The following CTIF variants were observed in gnomAD, a reference collection of about 807,000 sequenced individuals.
CTIF encodes CBP80/20-dependent translation initiation factor.
In CTIF, 21 loss-of-function variants were observed where a neutral mutation model predicts 66.0. The observed-to-expected ratio is 0.32, with a 90% CI of 0.23 to 0.46. CTIF has a LOEUF of 0.46. CTIF is among the 20% of genes least tolerant of loss of function. The pLI is 1.00. For missense variants in CTIF, 739 were observed against 812.7 expected (o/e 0.91, Z 1.10); for synonymous variants, 345 against 326.4 (o/e 1.06, Z -0.62).
intron 1 of CTIF, among the ~76,000 whole-genome samples, chr18:48,596,430 G>T (rs2089987544): frequency 1.3e-5 from 2 of 151,938 alleles, no homozygotes; most frequent in Admixed American, 6.6e-5. Context: ...AGAGCAAAAG[G>T]CATGTGCCAA....
At position 48,798,722 on chromosome 18, in the gene CTIF, C is replaced by T. The variant is rs906436481; in HGVS notation, c.1372-18499C>T. ...ATCTTGCTGTGTCCTGAGAAGTTGT[C>T]CCATGGGTGGGAGCATTGGGCACCA... On this transcript the variant is annotated intron_variant, in intron 9 of 11. Coordinates refer to ENST00000256413, the MANE Select transcript of CTIF (RefSeq NM_014772.3). Among the ~76,000 whole-genome samples, 3 of 152,172 alleles carry T rather than the reference C, an allele frequency of 2.0e-5. No homozygotes were observed. The East Asian group carries it at 5.8e-4, about 29-fold the overall frequency.
At chr18:48,645,833 C>T (rs377404947) in intron 3 of CTIF, among the ~76,000 whole-genome samples, 2 of 152,184 alleles carry the variant, frequency 1.3e-5, no homozygotes, top group Non-Finnish European at 1.5e-5. Context: ...CCTGCGGCGT[C>T]GGAGGAGGTT....
rs114254050 is a variant in CTIF at position 48,735,929 on chromosome 18, T to C, written c.585-21990T>C. On this transcript the variant is annotated intron_variant, in intron 7 of 11. Transcript: ENST00000256413. Reference sequence around the variant, plus strand: ...GGGAGGGCTGGGCTGGTTGTGATCCTGTATGTCATGGGAAGCGGAGGAGTT... The same window carrying C: ...GGGAGGGCTGGGCTGGTTGTGATCCCGTATGTCATGGGAAGCGGAGGAGTT... Among the ~76,000 whole-genome samples, 548 of 152,244 alleles carry C rather than the reference T, an allele frequency of 3.6e-3. 4 individuals carry two copies. The highest frequency in any genetic ancestry group is 0.012 in the African/African-American group (510 of 41,544).
At chr18:48,837,870 G>A (rs2068848127) in intron 10 of CTIF, among the ~76,000 whole-genome samples, 1 of 152,148 alleles carries the variant, frequency 6.6e-6, no homozygotes, top group South Asian at 2.1e-4. Flanking sequence ...GCAGCCCTGG[G>A]CAACTGGGTG....
chr18:48,594,563 T>C (rs928631063), intron 1 of CTIF, among the ~76,000 whole-genome samples: 3 of 152,070 alleles, frequency 2.0e-5, no homozygotes, highest in African/African-American at 7.2e-5. Context: ...TCACACATTC[T>C]CCAGCCACCA....
chr18:48,664,580 G>T (rs779974408), intron 5 of CTIF, 29 bp downstream of exon 5: 9 of 1,594,398 alleles, frequency 5.6e-6, no homozygotes, highest in South Asian at 3.3e-5. Flanking sequence ...CTTACCCAGG[G>T]TGGGGTGGGG....
At chr18:48,762,968 C>T (rs1443619940) in intron 9 of CTIF, among the ~76,000 whole-genome samples, 1 of 152,234 alleles carries the variant, frequency 6.6e-6, no homozygotes, top group Non-Finnish European at 1.5e-5. Context: ...CTCTCCTGCT[C>T]CAGGCCCTGA....
chr18:48,587,227 G>A (rs1599192125), intron 1 of CTIF, among the ~76,000 whole-genome samples: 1 of 152,038 alleles, frequency 6.6e-6, no homozygotes, highest in East Asian at 1.9e-4. Flanking sequence ...AACTACAGGT[G>A]CGCACCACCA....
At chr18:48,825,598 A>G (rs922293067) in intron 10 of CTIF, among the ~76,000 whole-genome samples, 3 of 152,166 alleles carry the variant, frequency 2.0e-5, no homozygotes, top group Non-Finnish European at 4.4e-5. Flanking sequence ...CAAGCAACAC[A>G]TTCTTCAGAG....
At chr18:48,679,482 C>T (rs1051073877) in intron 6 of CTIF, among the ~76,000 whole-genome samples, 3 of 152,148 alleles carry the variant, frequency 2.0e-5, no homozygotes, top group African/African-American at 2.4e-5. Flanking sequence ...GGTTTCTTGG[C>T]GGGTGGGAGA....
At chr18:48,764,076 C>G (rs117839226) in intron 9 of CTIF, among the ~76,000 whole-genome samples, 5,496 of 152,182 alleles carry the variant, frequency 0.036, 111 homozygotes, top group Non-Finnish European at 0.042. Context: ...AACTCTCCCC[C>G]AGAATTCACT....
At chr18:48,630,841 A>C (rs1014982401) in intron 2 of CTIF, among the ~76,000 whole-genome samples, 34 of 151,890 alleles carry the variant, frequency 2.2e-4, no homozygotes, top group African/African-American at 8.0e-4. Context: ...ACGCCTGGCT[A>C]ATTTTTTTGT....
intron 9 of CTIF, among the ~76,000 whole-genome samples, chr18:48,797,862 G>C (rs2067962610): frequency 6.6e-6 from 1 of 152,166 alleles, no homozygotes. Context: ...CGAGTGACTT[G>C]CCCAAGCTCT....
chr18:48,746,306 C>T (rs2092595976), intron 7 of CTIF, among the ~76,000 whole-genome samples: 1 of 152,074 alleles, frequency 6.6e-6, no homozygotes, highest in Admixed American at 6.5e-5. Flanking sequence ...AGAGGTGCCC[C>T]AGGCTCCACA....
intron 4 of CTIF, 68 bp downstream of exon 4, chr18:48,663,893 G>T: frequency 7.3e-7 from 1 of 1,363,678 alleles, no homozygotes; most frequent in African/African-American, 1.4e-5. Flanking sequence ...CCTTGGGGAC[G>T]GAATGAACGC....
intron 7 of CTIF, among the ~76,000 whole-genome samples, chr18:48,724,491 C>T (rs2092368846): frequency 6.6e-6 from 1 of 152,188 alleles, no homozygotes; most frequent in Non-Finnish European, 1.5e-5. Context: ...GTACCTCAGT[C>T]CCTCTCCCTT....
chr18:48,793,439 C>A (rs551006695), intron 9 of CTIF, among the ~76,000 whole-genome samples: 1 of 152,332 alleles, frequency 6.6e-6, no homozygotes, highest in South Asian at 2.1e-4. Flanking sequence ...TAACTCAGGC[C>A]TTTCCCCACA....
At chr18:48,833,022 G>A (rs1305529169) in intron 10 of CTIF, among the ~76,000 whole-genome samples, 1 of 152,214 alleles carries the variant, frequency 6.6e-6, no homozygotes, top group Non-Finnish European at 1.5e-5. Flanking sequence ...ATGTTAGTCA[G>A]AGGAGAGTTT....
chr18:48,651,498 C>G (rs551091643), intron 3 of CTIF, among the ~76,000 whole-genome samples: 1 of 152,312 alleles, frequency 6.6e-6, no homozygotes, highest in East Asian at 1.9e-4. Context: ...CCCACTTAGA[C>G]TCCCACACAA....
Sources: allele counts gnomAD v4.1 joint callset (sites outside exome capture counted in the v4.1 genomes callset), GRCh38; gene constraint gnomAD v4.1.1; transcripts MANE v1.5; gene names NCBI Gene and HGNC (gene_info 2026-07-23, HGNC 2026-07-21).